GRID1: variants seen among roughly 807,000 people sequenced by gnomAD.
GRID1 encodes glutamate receptor ionotropic, delta-1.
Under a neutral mutation model 98.0 loss-of-function variants are expected in GRID1, and 28 were observed. The ratio of observed to expected loss-of-function variants is 0.29; its 90% CI spans 0.21 to 0.39. The LOEUF is 0.39. Among genes scored for constraint, GRID1 ranks in the 10% least tolerant of loss-of-function variants. GRID1 has a pLI of 1.00. For missense variants in GRID1, 1,111 were observed against 1,340.5 expected, an observed-to-expected ratio of 0.83 and a Z score of 2.67; for synonymous variants, 553 against 538.5, an observed-to-expected ratio of 1.03 and a Z score of -0.37.
At position 85,702,089 on chromosome 10, in the gene GRID1, A is replaced by G. The variant is rs573971872; in HGVS notation, c.1997+20914T>C. Among the ~76,000 whole-genome samples, 7 of 152,308 alleles carry G rather than the reference A, an allele frequency of 4.6e-5. 1 individual carries two copies. Among genetic ancestry groups the G allele is most frequent in the Admixed American group, 4.6e-4 (7 of 15,278 alleles). On this transcript the variant is annotated intron_variant, in intron 12 of 15. Transcript: ENST00000327946. ...CATAATATTGTGTTAAAGATACTAA[A>G]GAATATATTGTTAGAAAAGCATATG...
intron 2 of GRID1, among the ~76,000 whole-genome samples, chr10:86,235,574 G>C (rs1298734899): frequency 6.6e-6 from 1 of 152,176 alleles, no homozygotes; most frequent in East Asian, 1.9e-4. Flanking sequence ...GCTACAGCCA[G>C]CTACTCATCT....
intron 2 of GRID1, among the ~76,000 whole-genome samples, chr10:86,234,794 C>G (rs1485014334): frequency 6.9e-6 from 1 of 144,762 alleles, no homozygotes; most frequent in Non-Finnish European, 1.5e-5. Context: ...CCATCCAGCT[C>G]TGGGCCCATC....
chr10:86,325,845 G>T (rs755141159), intron 2 of GRID1, among the ~76,000 whole-genome samples: 1 of 152,304 alleles, frequency 6.6e-6, no homozygotes, highest in Middle Eastern at 3.4e-3. Context: ...GGAAACTGTA[G>T]AATGTTCTAC....
At chr10:85,694,808 A>G (rs1319719370) in intron 12 of GRID1, among the ~76,000 whole-genome samples, 1 of 149,830 alleles carries the variant, frequency 6.7e-6, no homozygotes, top group African/African-American at 2.4e-5. Flanking sequence ...GAGACTTGGA[A>G]AAGTGGGAGG....
chr10:86,156,643 A>G (rs1845249894), intron 3 of GRID1, among the ~76,000 whole-genome samples: 1 of 152,178 alleles, frequency 6.6e-6, no homozygotes, highest in Admixed American at 6.5e-5. Flanking sequence ...ACCCATTGCC[A>G]AAAGAGAACC....
intron 4 of GRID1, among the ~76,000 whole-genome samples, chr10:85,932,192 A>G (rs1453969349): frequency 6.6e-6 from 1 of 152,178 alleles, no homozygotes; most frequent in Admixed American, 6.5e-5. Context: ...TGCATCTGCT[A>G]CATCAGTTAC....
intron 4 of GRID1, among the ~76,000 whole-genome samples, chr10:85,922,540 A>G (rs1347381736): frequency 2.0e-5 from 3 of 152,190 alleles, no homozygotes. Context: ...CCCAACTCTA[A>G]CATTTGGGAA....
At chr10:86,065,863 T>TGTG (rs1843713113) in intron 4 of GRID1, among the ~76,000 whole-genome samples, 1 of 152,196 alleles carries the variant, frequency 6.6e-6, no homozygotes, top group Non-Finnish European at 1.5e-5. Flanking sequence ...AAGATCCTTC[T>TGTG]AGATGTGAGG....
At chr10:86,047,092 A>C in intron 4 of GRID1, among the ~76,000 whole-genome samples, 1 of 152,218 alleles carries the variant, frequency 6.6e-6, no homozygotes, top group Non-Finnish European at 1.5e-5. Context: ...TTAGCTGCTC[A>C]TTCTCAAAAC....
intron 2 of GRID1, among the ~76,000 whole-genome samples, chr10:86,209,221 A>G (rs55639166): frequency 2.2e-3 from 335 of 152,350 alleles, no homozygotes; most frequent in African/African-American, 7.5e-3. Context: ...TATTAGCCAA[A>G]ATTTTGTGAC....
chr10:86,218,982 G>A (rs969641480), intron 2 of GRID1, among the ~76,000 whole-genome samples: 3 of 152,304 alleles, frequency 2.0e-5, no homozygotes, highest in East Asian at 3.9e-4. Context: ...AGCACAGCCC[G>A]AGACAGCTGT....
chr10:85,641,962 C>G (rs1218982509), intron 13 of GRID1, among the ~76,000 whole-genome samples: 1 of 152,184 alleles, frequency 6.6e-6, no homozygotes, highest in East Asian at 1.9e-4. Flanking sequence ...AGCAGAGATG[C>G]CTGTGCACTA....
At chr10:86,142,812 A>G (rs1845029044) in intron 3 of GRID1, among the ~76,000 whole-genome samples, 1 of 152,178 alleles carries the variant, frequency 6.6e-6, no homozygotes, top group Non-Finnish European at 1.5e-5. Flanking sequence ...AGTCTGGGGG[A>G]AAAGTCTCCT....
At chr10:85,714,606 G>A (rs777239841) in intron 12 of GRID1, among the ~76,000 whole-genome samples, 9 of 151,686 alleles carry the variant, frequency 5.9e-5, no homozygotes, top group Admixed American at 6.6e-5. Context: ...TAACAACAAC[G>A]TATTTGCAAA....
chr10:85,938,960 T>C (rs1210230142), intron 4 of GRID1, among the ~76,000 whole-genome samples: 1 of 152,266 alleles, frequency 6.6e-6, no homozygotes, highest in Non-Finnish European at 1.5e-5. Context: ...AATTTGAGCA[T>C]AGTTGTTCAA....
rs1316134460 is a variant in GRID1, at chr10:86,292,308, C to A, written c.235+71633G>T. ...CAGGAAGCTCTTCTTTGCTCACCTG[C>A]AAGCTTCATTTCAGGAGATTGTCAG... On this transcript the variant is annotated intron_variant, in intron 2 of 15. Transcript: ENST00000327946. Among the ~76,000 whole-genome samples the A allele has an allele frequency of 2.0e-5, 3 of 152,218 alleles. No homozygotes were observed. In the South Asian group the frequency reaches 6.2e-4, roughly 32 times the overall value.
intron 10 of GRID1, among the ~76,000 whole-genome samples, 160 bp from the exon 11 acceptor site, chr10:85,724,836 A>G (rs768209365): frequency 6.6e-6 from 1 of 152,224 alleles, no homozygotes; most frequent in Non-Finnish European, 1.5e-5. Flanking sequence ...GGAAAATCCA[A>G]CACTAAGTTG....
intron 8 of GRID1, among the ~76,000 whole-genome samples, chr10:85,733,536 C>T (rs1230455700): frequency 6.6e-6 from 1 of 152,154 alleles, no homozygotes; most frequent in Non-Finnish European, 1.5e-5. Context: ...CAGCACAATG[C>T]TTGAAACATA....
At chr10:86,293,657 A>G (rs1847547668) in intron 2 of GRID1, among the ~76,000 whole-genome samples, 1 of 152,238 alleles carries the variant, frequency 6.6e-6, no homozygotes, top group African/African-American at 2.4e-5. Context: ...GGGCTGCAGC[A>G]TCAGGGAACC....
Sources: allele counts gnomAD v4.1 joint callset (sites outside exome capture counted in the v4.1 genomes callset), GRCh38; gene constraint gnomAD v4.1.1; transcripts MANE v1.5; gene names NCBI Gene and HGNC (gene_info 2026-07-23, HGNC 2026-07-21).